The following CDH8 variants were observed in gnomAD, a reference collection of about 807,000 sequenced individuals.
The protein encoded by CDH8 is cadherin 8.
Under a neutral mutation model 68.1 loss-of-function variants are expected in CDH8, and 17 were observed. The observed-to-expected ratio is 0.25, with a 90% CI of 0.17 to 0.37. CDH8 has a LOEUF of 0.37. CDH8 is among the 10% of genes least tolerant of loss of function. CDH8 has a pLI of 1.00. For missense variants in CDH8, 763 were observed against 999.3 expected (o/e 0.76, Z 3.19); for synonymous variants, 372 against 365.1 (o/e 1.02, Z -0.21).
At chr16:61,696,349 A>G (rs1312405459) in intron 10 of CDH8, among the ~76,000 whole-genome samples, 2 of 152,246 alleles carry the variant, frequency 1.3e-5, no homozygotes, top group Admixed American at 1.3e-4. Context: ...GGTGCAGTTA[A>G]CCTAAAGCAA....
intron 10 of CDH8, among the ~76,000 whole-genome samples, chr16:61,676,631 A>G (rs909976892): frequency 1.3e-5 from 2 of 152,144 alleles, no homozygotes; most frequent in Admixed American, 6.6e-5. Context: ...AAGGTCAACC[A>G]CAACAATTTC....
chr16:61,738,903 A>C (rs764532860), intron 8 of CDH8, among the ~76,000 whole-genome samples: 5 of 152,032 alleles, frequency 3.3e-5, no homozygotes, highest in Non-Finnish European at 5.9e-5. Flanking sequence ...CTTTGGTTCA[A>C]TTTGTAACTC....
At chr16:61,696,941 G>C (rs1218805027) in intron 10 of CDH8, among the ~76,000 whole-genome samples, 1 of 152,076 alleles carries the variant, frequency 6.6e-6, no homozygotes, top group Non-Finnish European at 1.5e-5. Flanking sequence ...GGACCACTCG[G>C]GGGAGGAAGA....
chr16:61,932,278 A>G (rs1211671516), intron 2 of CDH8, among the ~76,000 whole-genome samples: 2 of 152,102 alleles, frequency 1.3e-5, no homozygotes, highest in African/African-American at 4.8e-5. Flanking sequence ...TTATTAATTT[A>G]AAAGAGAGCA....
At chr16:61,920,062 G>A (rs1235562586) in intron 2 of CDH8, among the ~76,000 whole-genome samples, 1 of 149,560 alleles carries the variant, frequency 6.7e-6, no homozygotes, top group Non-Finnish European at 1.5e-5. Flanking sequence ...GTAGAAAGCT[G>A]AAACTGGATC....
intron 2 of CDH8, among the ~76,000 whole-genome samples, chr16:62,002,907 G>T (rs1158428989): frequency 6.6e-6 from 1 of 152,132 alleles, no homozygotes; most frequent in Non-Finnish European, 1.5e-5. Context: ...CAAAAAATTA[G>T]CTGGGCGTGG....
chr16:61,759,869 T>A (rs959188747), intron 8 of CDH8, among the ~76,000 whole-genome samples: 2 of 152,184 alleles, frequency 1.3e-5, no homozygotes, highest in African/African-American at 2.4e-5. Context: ...AATAAGTAAT[T>A]GAAGATGACA....
In CDH8 at chr16:61,854,728, T is replaced by TA. The variant is rs955142426; in HGVS notation, c.667+2390dup. 4.6e-5 allele frequency among the ~76,000 whole-genome samples: 7 copies of TA among 152,248 alleles called. No homozygotes were observed. The South Asian group carries it at 8.3e-4, about 18-fold the overall frequency. On this transcript the variant is annotated intron_variant, in intron 4 of 11. Transcript: ENST00000577390. ...GCCTCTTTTTTTCTTGTTTTTCTAATAAAAAATGTTAAACAATGTTCTTAA... is the reference window on the plus strand; with the variant it reads ...GCCTCTTTTTTTCTTGTTTTTCTAATAAAAAAATGTTAAACAATGTTCTTAA...
chr16:62,002,777 G>A (rs903017820), intron 2 of CDH8, among the ~76,000 whole-genome samples: 1 of 152,142 alleles, frequency 6.6e-6, no homozygotes, highest in Non-Finnish European at 1.5e-5. Context: ...AATTTGGCCG[G>A]GTGCGGTGGC....
chr16:61,815,103 A>G (rs1309676257), intron 7 of CDH8, among the ~76,000 whole-genome samples: 1 of 152,200 alleles, frequency 6.6e-6, no homozygotes, highest in Non-Finnish European at 1.5e-5. Context: ...CTTGCCTGAC[A>G]TCTATCAGAA....
chr16:61,698,455 T>C (rs929825174), intron 10 of CDH8, among the ~76,000 whole-genome samples: 1 of 152,190 alleles, frequency 6.6e-6, no homozygotes, highest in African/African-American at 2.4e-5. Context: ...AGACAAGAAT[T>C]GTGTGGGATC....
At chr16:61,719,216 G>A (rs1165325246) in intron 9 of CDH8, among the ~76,000 whole-genome samples, 1 of 150,356 alleles carries the variant, frequency 6.7e-6, no homozygotes, top group Admixed American at 6.6e-5. Flanking sequence ...CTGACATACA[G>A]GAAATACAGC....
chr16:61,767,105 C>T (rs1199756039), intron 8 of CDH8, among the ~76,000 whole-genome samples: 1 of 151,932 alleles, frequency 6.6e-6, no homozygotes, highest in African/African-American at 2.4e-5. Context: ...GACACTACCC[C>T]AGGTGTCTAC....
intron 4 of CDH8, among the ~76,000 whole-genome samples, chr16:61,834,244 T>A (rs1161895556): frequency 6.6e-6 from 1 of 151,788 alleles, no homozygotes; most frequent in East Asian, 1.9e-4. Context: ...TGTTACACAG[T>A]CACAGAGCCA....
In CDH8 at chr16:61,911,000, C is replaced by A. The variant is rs1009057031; in HGVS notation, c.253-9527G>T. Among the ~76,000 whole-genome samples, 8 of 152,044 alleles carry A rather than the reference C, an allele frequency of 5.3e-5. No homozygotes were observed. The East Asian group carries it at 1.5e-3, about 29-fold the overall frequency. ...AAAATATATCTGGAAGGTTTTATTTCTTGTTTACTTAATAATTATAAGCCT... is the reference window on the plus strand; with the variant it reads ...AAAATATATCTGGAAGGTTTTATTTATTGTTTACTTAATAATTATAAGCCT... On this transcript the variant is annotated intron_variant, in intron 2 of 11. Coordinates refer to ENST00000577390, the MANE Select transcript of CDH8 (RefSeq NM_001796.5).
intron 8 of CDH8, among the ~76,000 whole-genome samples, chr16:61,744,604 T>C (rs957974371): frequency 6.6e-6 from 1 of 151,910 alleles, no homozygotes; most frequent in Non-Finnish European, 1.5e-5. Flanking sequence ...TAAATGTTTT[T>C]TAAAATCAGT....
chr16:61,682,480 A>C (rs1392090347), intron 10 of CDH8, among the ~76,000 whole-genome samples: 1 of 151,896 alleles, frequency 6.6e-6, no homozygotes, highest in African/African-American at 2.4e-5. Context: ...ATGATGCCTA[A>C]ATACTTGTGT....
chr16:61,665,785 T>TTCCTTCCTTCCTTCCTTCCTTTCCC (rs1963660066), intron 10 of CDH8, among the ~76,000 whole-genome samples: 2 of 138,006 alleles, frequency 1.4e-5, no homozygotes, highest in African/African-American at 5.4e-5. Context: ...CCTTCCTTCC[T>TTCCTTCCTTCCTTCCTTCCTTTCCC]TCCTTCCTTC....
intron 8 of CDH8, among the ~76,000 whole-genome samples, chr16:61,788,614 G>A (rs1372204124): frequency 6.6e-6 from 1 of 151,810 alleles, no homozygotes; most frequent in South Asian, 2.1e-4. Flanking sequence ...AAGACAGTTT[G>A]GCACCAAATT....
Sources: gnomAD v4.1 joint callset for allele counts (sites outside exome capture counted in the v4.1 genomes callset) on GRCh38, gnomAD v4.1.1 for gene constraint, MANE v1.5 for transcripts, NCBI Gene and HGNC (gene_info 2026-07-23, HGNC 2026-07-21) for gene names.